The following RAB27B variants were observed in gnomAD, a reference collection of about 807,000 sequenced individuals.
RAB27B encodes ras-related protein Rab-27B.
A neutral mutation model predicts 24.6 loss-of-function variants in RAB27B; 15 were observed. That is an observed-to-expected ratio of 0.61 (90% CI 0.41 to 0.94). The LOEUF (loss-of-function observed/expected upper bound fraction) is 0.94, where lower values mean the gene tolerates loss of function less well. Among genes scored for constraint, RAB27B ranks in the 40% least tolerant of loss-of-function variants. The pLI, the probability that RAB27B is intolerant of heterozygous loss-of-function variation, is 0.00. For missense variants in RAB27B, 261 were observed against 266.8 expected, an observed-to-expected ratio of 0.98 and a Z score of 0.15; for synonymous variants, 105 against 92.5, an observed-to-expected ratio of 1.14 and a Z score of -0.78.
chr18:54,801,032 T>TTTA (rs1283703052), intron 2 of RAB27B, among the ~76,000 whole-genome samples: 31 of 120,280 alleles, frequency 2.6e-4, no homozygotes, highest in South Asian at 5.7e-4. Context: ...TTTTTTTTTT[T>TTTA]AACAGAGTCT....
chr18:54,791,899 G>C (rs992997672), intron 2 of RAB27B, among the ~76,000 whole-genome samples: 1 of 152,192 alleles, frequency 6.6e-6, no homozygotes, highest in Non-Finnish European at 1.5e-5. Context: ...AGGGCAGTCG[G>C]AGGAGAGTAG....
At chr18:54,836,619 A>G (rs1910904452) in intron 1 of RAB27B, among the ~76,000 whole-genome samples, 1 of 152,008 alleles carries the variant, frequency 6.6e-6, no homozygotes, top group South Asian at 2.1e-4. Context: ...TGTTTAAAGA[A>G]AGATGTTCTG....
chr18:54,795,433 C>T (rs1909385737), intron 2 of RAB27B, among the ~76,000 whole-genome samples: 1 of 151,712 alleles, frequency 6.6e-6, no homozygotes, highest in Admixed American at 6.6e-5. Context: ...TCAGGTGCTA[C>T]AGCCAAGGGG....
At chr18:54,775,837 C>T (rs1908697016) in intron 2 of RAB27B, among the ~76,000 whole-genome samples, 1 of 152,196 alleles carries the variant, frequency 6.6e-6, no homozygotes, top group African/African-American at 2.4e-5. Flanking sequence ...TCACTCATAT[C>T]AGCTCATGGT....
chr18:54,841,240 A>T (rs1238703978), intron 1 of RAB27B, among the ~76,000 whole-genome samples: 1 of 150,196 alleles, frequency 6.7e-6, no homozygotes, highest in Non-Finnish European at 1.5e-5. Context: ...AGATTTAGCC[A>T]ACTGCAGATA....
At chr18:54,859,260 CT>C (rs1911913922) in intron 1 of RAB27B, among the ~76,000 whole-genome samples, 1 of 152,108 alleles carries the variant, frequency 6.6e-6, no homozygotes, top group South Asian at 2.1e-4. Context: ...GTTTATTTTA[CT>C]TTATTGCTGA....
intron 2 of RAB27B, among the ~76,000 whole-genome samples, chr18:54,743,995 G>A (rs1483275885): frequency 3.3e-5 from 5 of 152,172 alleles, no homozygotes; most frequent in African/African-American, 9.7e-5. Context: ...TGATTCTGAT[G>A]TAATTTATAT....
intron 2 of RAB27B, among the ~76,000 whole-genome samples, chr18:54,799,614 ATTTTTTTTTTTTTTTTTTTTTTTT>A (rs869256244): frequency 1.5e-5 from 1 of 67,526 alleles, no homozygotes; most frequent in African/African-American, 6.0e-5. Flanking sequence ...TAATAAAATG[ATTTTTTTTTTTTTTTTTTTTTTTT>A]TTTTTTTTTT....
At chr18:54,827,332 A>G (rs1270364309), upstream of RAB27B, among the ~76,000 whole-genome samples, 3 of 152,246 alleles carry the variant, frequency 2.0e-5, no homozygotes, top group Non-Finnish European at 4.4e-5. Context: ...ATATGAAGTC[A>G]ATTCTTCACA....
intron 3 of RAB27B, among the ~76,000 whole-genome samples, chr18:54,881,758 T>C (rs1167547983): frequency 1.3e-5 from 2 of 152,156 alleles, no homozygotes; most frequent in African/African-American, 4.8e-5. Context: ...CTGGACAGAA[T>C]AGAGCAAGAT....
At position 54,745,156 on chromosome 18, in the gene RAB27B, C is replaced by T. The variant is rs1910196952; in HGVS notation, c.-20+27015C>T. ...CTCTCACACAGGCATCTTACACTAACCTGCCTACCATTGCTCTGGGTCACA... is the reference window on the plus strand; with the variant it reads ...CTCTCACACAGGCATCTTACACTAATCTGCCTACCATTGCTCTGGGTCACA... On this transcript the variant is annotated intron_variant, in intron 2 of 4. Coordinates refer to the RAB27B transcript ENST00000586570. 4.9e-5 allele frequency: 8 copies of T among 163,998 alleles called. No homozygotes were observed. In the South Asian group the frequency reaches 1.2e-3, roughly 25 times the overall value. The allele number at this position is 163,998 out of a possible 1,614,324, so 10.2% of individuals were successfully genotyped here. A position where few individuals can be genotyped will look rare whatever the true frequency, so the allele number is the denominator to read the frequency against.
Position 54,885,333 on chromosome 18 carries a change from C to G in RAB27B, c.343+897C>G, listed in dbSNP as rs374193778. Among the ~76,000 whole-genome samples, 31 of 152,136 alleles carry G rather than the reference C, an allele frequency of 2.0e-4. No individual in the cohort carries two copies. In the East Asian group the frequency reaches 5.4e-3, roughly 27 times the overall value. ...TCATGTTATTTTCCTGCTCAGAGTC[C>G]TTCTGTAACTTTCCATCTTACCCGG... On this transcript the variant is annotated intron_variant, in intron 4 of 5. Transcript: ENST00000262094.
intron 2 of RAB27B, among the ~76,000 whole-genome samples, chr18:54,878,708 A>G (rs1283019876): frequency 2.6e-5 from 4 of 152,060 alleles, no homozygotes; most frequent in Non-Finnish European, 5.9e-5. Context: ...AAACTGAGTA[A>G]ATATTACATC....
At chr18:54,774,971 C>A (rs1170250475) in intron 2 of RAB27B, among the ~76,000 whole-genome samples, 1 of 152,208 alleles carries the variant, frequency 6.6e-6, no homozygotes, top group Non-Finnish European at 1.5e-5. Context: ...TAATTAATAT[C>A]TGCTCAGTGG....
At position 54,848,723 on chromosome 18, in the gene RAB27B, A is replaced by G. The variant is rs1410670772; in HGVS notation, c.-20+20023A>G. Among the ~76,000 whole-genome samples, 6 of 152,328 alleles carry G rather than the reference A, an allele frequency of 3.9e-5. No individual in the cohort carries two copies. In the East Asian group the frequency reaches 1.2e-3, roughly 29 times the overall value. The stretch of plus-strand genomic sequence containing the variant: ...ATATAATGCATTCTGGAAAATATCT[A>G]CTGACTCAAACATGTAAAACCATAA... On this transcript the variant is annotated intron_variant, in intron 1 of 5. Coordinates refer to ENST00000262094, the MANE Select transcript of RAB27B (RefSeq NM_004163.4).
chr18:54,881,382 A>G (rs1042480137), intron 3 of RAB27B, among the ~76,000 whole-genome samples: 2 of 151,906 alleles, frequency 1.3e-5, no homozygotes, highest in Non-Finnish European at 2.9e-5. Flanking sequence ...TCTGCATTCT[A>G]TCTCAGGGGT....
rs9967438 is a variant in RAB27B, at chr18:54,784,487, G to T, written c.-20+66346G>T. 5.9e-3 allele frequency among the ~76,000 whole-genome samples: 902 copies of T among 152,092 alleles called. 6 individuals are homozygous for T. The highest frequency in any genetic ancestry group is 0.021 in the African/African-American group (858 of 41,492). On this transcript the variant is annotated intron_variant, in intron 2 of 4. Transcript: ENST00000586570. Reference sequence around the variant, plus strand: ...CATTTTGGAGTTCTCAGTGTCTATTGTTCCCATCTTTGTGTCCAGGAGTAC... The same window carrying T: ...CATTTTGGAGTTCTCAGTGTCTATTTTTCCCATCTTTGTGTCCAGGAGTAC...
At chr18:54,734,119 C>A (rs531014255) in intron 2 of RAB27B, among the ~76,000 whole-genome samples, 15 of 152,266 alleles carry the variant, frequency 9.9e-5, no homozygotes, top group African/African-American at 1.9e-4. Flanking sequence ...ATATTCCAGA[C>A]AAATAATCAC....
At chr18:54,834,464 T>G (rs1428884619) in intron 1 of RAB27B, among the ~76,000 whole-genome samples, 1 of 152,202 alleles carries the variant, frequency 6.6e-6, no homozygotes, top group Non-Finnish European at 1.5e-5. Flanking sequence ...AAGGGTTGAT[T>G]ATTTTAACAT....
Sources: gnomAD v4.1 joint callset for allele counts (sites outside exome capture counted in the v4.1 genomes callset) on GRCh38, gnomAD v4.1.1 for gene constraint, MANE v1.5 for transcripts, NCBI Gene and HGNC (gene_info 2026-07-23, HGNC 2026-07-21) for gene names.